The following FADS1 variants were observed in gnomAD, a reference collection of about 807,000 sequenced individuals.
FADS1 encodes fatty acid desaturase 1.
FADS1 carries 17 observed loss-of-function variants against 61.6 expected under a neutral mutation model. The ratio of observed to expected loss-of-function variants is 0.28; its 90% CI spans 0.19 to 0.41. The LOEUF (loss-of-function observed/expected upper bound fraction) is 0.41, where lower values mean the gene tolerates loss of function less well. Among genes scored for constraint, FADS1 ranks in the 10% least tolerant of loss-of-function variants. The pLI is 1.00. For synonymous variants in FADS1, 238 were observed against 258.7 expected, an observed-to-expected ratio of 0.92 and a Z score of 0.77; for missense variants, 387 against 650.9, an observed-to-expected ratio of 0.59 and a Z score of 4.41.
At chr11:61,813,123 C>T (rs2066942954) in intron 2 of FADS1, 120 bp downstream of exon 2, 1 of 758,734 alleles carries the variant, frequency 1.3e-6, no homozygotes, top group Non-Finnish European at 2.4e-6. Flanking sequence ...CCTCAAGACT[C>T]CCCAGAGCTA....
rs531599872 is a variant in FADS1 at position 61,799,861 on chromosome 11, T to C, written c.*2550A>G. ...CAGCTTTTCCTCTCTAAGCCTATTT[T>C]ATATCTGTCAGTGGATTTGAGATCA... On this transcript the variant is annotated 3_prime_UTR_variant, in exon 12 of 12. Transcript: ENST00000350997. 1.3e-5 allele frequency: 2 copies of C among 152,940 alleles called. No individual in the cohort carries two copies. The highest frequency in any genetic ancestry group is 4.8e-5 in the African/African-American group (2 of 41,586). 9.5% of individuals were successfully genotyped at this position (152,940 alleles called of 1,614,324 possible).
chr11:61,804,129 A>G (rs1247590072), intron 7 of FADS1: 2 of 277,714 alleles, frequency 7.2e-6, no homozygotes, highest in African/African-American at 2.2e-5. Flanking sequence ...ACCAAGCACC[A>G]TACTCTTCCC....
chr11:61,803,013 C>T lies in FADS1; in HGVS notation c.1328+19G>A. 1 of 1,613,910 alleles carries T rather than the reference C, an allele frequency of 6.2e-7. No homozygotes were observed. On this transcript the variant is annotated intron_variant, in intron 10 of 11. Coordinates refer to ENST00000350997, the MANE Select transcript of FADS1 (RefSeq NM_013402.7). The surrounding 1 kb of genome is among the most constrained non-coding windows in gnomAD (Gnocchi z 4.3). ...TTACACCCTCCCCAGGACCCTGCTT[C>T]CCCAGGCTCCCTACTCACTGGTGCT...
In FADS1 at chr11:61,799,816, A is replaced by G. The variant is rs1452450421; in HGVS notation, c.*2595T>C. On this transcript the variant is annotated 3_prime_UTR_variant, in exon 12 of 12. Coordinates refer to ENST00000350997, the MANE Select transcript of FADS1 (RefSeq NM_013402.7). ...AAAGTGAGTTGGAATTCATGCTGCCATGATCTACTTGACCAGAGGCAGCTT... is the reference window on the plus strand; with the variant it reads ...AAAGTGAGTTGGAATTCATGCTGCCGTGATCTACTTGACCAGAGGCAGCTT... 13 of 152,786 alleles carry G rather than the reference A, an allele frequency of 8.5e-5. No homozygotes were observed. The highest frequency in any genetic ancestry group is 1.8e-4 in the Non-Finnish European group (12 of 68,044). The allele number at this position is 152,786 out of a possible 1,614,324, so 9.5% of individuals were successfully genotyped here. A position where few individuals can be genotyped will look rare whatever the true frequency, so the allele number is the denominator to read the frequency against.
chr11:61,810,461 A>T (rs949028352), intron 5 of FADS1, among the ~76,000 whole-genome samples: 1 of 152,174 alleles, frequency 6.6e-6, no homozygotes, highest in African/African-American at 2.4e-5. Flanking sequence ...AGGATAGGCT[A>T]TCTCATCATT....
chr11:61,800,478 C>T lies in FADS1; in HGVS notation c.*1933G>A, dbSNP rs911364741. The T allele has an allele frequency of 6.6e-6, 1 of 152,368 alleles. No homozygotes were observed. The highest frequency in any genetic ancestry group is 2.4e-5 in the African/African-American group (1 of 41,462). 9.4% of individuals were successfully genotyped at this position (152,368 alleles called of 1,614,324 possible). ...CATTCTTCCTGTGTCTTTGTGTTGA[C>T]AAACCTCTAATCTTCCATGTCTTTG... On this transcript the variant is annotated 3_prime_UTR_variant, in exon 12 of 12. Transcript: ENST00000350997.
In FADS1 at chr11:61,802,684, C is replaced by T; in HGVS notation, c.1454+117G>A. The T allele has an allele frequency of 1.4e-6, 2 of 1,469,070 alleles. No homozygotes were observed. Among genetic ancestry groups the T allele is most frequent in the Non-Finnish European group, 1.9e-6 (2 of 1,064,440 alleles). 91.0% of individuals were successfully genotyped at this position (1,469,070 alleles called of 1,614,324 possible). A position where few individuals can be genotyped will look rare whatever the true frequency, so the allele number is the denominator to read the frequency against. On this transcript the variant is annotated intron_variant, in intron 11 of 11. Transcript: ENST00000350997. This position sits in a 1 kb window ranked among gnomAD's most constrained non-coding sequence, Gnocchi z 4.2. The stretch of plus-strand genomic sequence containing the variant: ...AGAATCCTGCCTTTGCCATGGTGAA[C>T]TCCATCCCACACGACTGGGAACACC...
At position 61,816,908 on chromosome 11, in the gene FADS1, G is replaced by T; in HGVS notation, c.22C>A (p.Pro8Thr). The change falls in exon 1 of 12, where the codon CCC becomes ACC. Residue 8 changes from proline to threonine, a missense_variant. Around this residue, in one of 2 missense-constraint regions of FADS1, gnomAD observed 130 missense variants for 117.7 expected, o/e 1.10. Transcript: ENST00000350997. The surrounding 1 kb of genome is among the most constrained non-coding windows in gnomAD (Gnocchi z 7.0). Reference sequence around the variant, plus strand: ...TCAGCACCGCAGGGCAGACCGGCGGGCCTCGCAGCGCGCGTTCCCATTGGC... The same window carrying T: ...TCAGCACCGCAGGGCAGACCGGCGGTCCTCGCAGCGCGCGTTCCCATTGGC... MGTRAAR[P>T]AGLPCGAENP... 2 of 1,406,742 alleles carry T rather than the reference G, an allele frequency of 1.4e-6. No homozygotes were observed. The highest frequency in any genetic ancestry group is 9.2e-7 in the Non-Finnish European group (1 of 1,092,430). The allele number at this position is 1,406,742 out of a possible 1,614,324, so 87.1% of individuals were successfully genotyped here. A position where few individuals can be genotyped will look rare whatever the true frequency, so the allele number is the denominator to read the frequency against.
In FADS1 at chr11:61,803,511, T is replaced by C. The variant is rs373982638; in HGVS notation, c.1152-52A>G. 30 of 1,503,164 alleles carry C rather than the reference T, an allele frequency of 2.0e-5. No individual in the cohort carries two copies. Among genetic ancestry groups the C allele is most frequent in the Non-Finnish European group, 2.8e-5 (30 of 1,079,018 alleles). 93.1% of individuals were successfully genotyped at this position (1,503,164 alleles called of 1,614,324 possible). On this transcript the variant is annotated intron_variant, in intron 8 of 11. Coordinates refer to ENST00000350997, the MANE Select transcript of FADS1 (RefSeq NM_013402.7). This position sits in a 1 kb window ranked among gnomAD's most constrained non-coding sequence, Gnocchi z 4.3. ...ACAGTACACACAGAGCCCAGAATTC[T>C]GATTCCCCCCTCAGATAACTGCTCC...
intron 2 of FADS1, 32 bp from the exon 3 acceptor site, chr11:61,812,700 C>T (rs771363627): frequency 1.4e-5 from 22 of 1,587,934 alleles, no homozygotes; most frequent in Admixed American, 3.5e-5. Context: ...TGTTATTCTT[C>T]TCATCTGCAC....
chr11:61,803,270 T>C lies in FADS1; in HGVS notation c.1248+93A>G. ...GAGCCTCAGGCTAATGAGAAAATGC[T>C]GTTTGGGGGACTTTTTGTTTTTGCT... On this transcript the variant is annotated intron_variant, in intron 9 of 11. Coordinates refer to ENST00000350997, the MANE Select transcript of FADS1 (RefSeq NM_013402.7). This position sits in a 1 kb window ranked among gnomAD's most constrained non-coding sequence, Gnocchi z 4.3. 1 of 1,282,212 alleles carries C rather than the reference T, an allele frequency of 7.8e-7. No homozygotes were observed. The highest frequency in any genetic ancestry group is 1.2e-5 in the South Asian group (1 of 84,172). The allele number at this position is 1,282,212 out of a possible 1,614,324, so 79.4% of individuals were successfully genotyped here. A position where few individuals can be genotyped will look rare whatever the true frequency, so the allele number is the denominator to read the frequency against.
At chr11:61,813,599 GTAAAATGGACCAATCAGTGCTCTA>G (rs1048272281) in intron 1 of FADS1, 4 of 486,644 alleles carry the variant, frequency 8.2e-6, no homozygotes, top group African/African-American at 6.0e-5. Context: ...TCAGCACCCT[GTAAAATGGACCAATCAGTGCTCTA>G]TAAAATGGAC....
At position 61,801,491 on chromosome 11, in the gene FADS1, C is replaced by T. The variant is rs2066855268; in HGVS notation, c.*920G>A. The T allele has an allele frequency of 6.6e-6, 1 of 152,390 alleles. No homozygotes were observed. Among genetic ancestry groups the T allele is most frequent in the Non-Finnish European group, 1.5e-5 (1 of 68,042 alleles). 9.4% of individuals were successfully genotyped at this position (152,390 alleles called of 1,614,324 possible). On this transcript the variant is annotated 3_prime_UTR_variant, in exon 12 of 12. Coordinates refer to ENST00000350997, the MANE Select transcript of FADS1 (RefSeq NM_013402.7). ...AGCTTTTTAAATAGCCAGCAACTCTCTCTACCATCTGTTTTGGTAAGAGCT... is the reference window on the plus strand; with the variant it reads ...AGCTTTTTAAATAGCCAGCAACTCTTTCTACCATCTGTTTTGGTAAGAGCT...
Position 61,810,833 on chromosome 11 carries a change from G to C in FADS1, c.833C>G (p.Ala278Gly). 1 of 1,614,188 alleles carries C rather than the reference G, an allele frequency of 6.2e-7. No homozygotes were observed. The highest frequency in any genetic ancestry group is 8.5e-7 in the Non-Finnish European group (1 of 1,180,032). ...WWNHMHFQHH[A>G]KPNCFRKDPD... Reference sequence around the variant, plus strand: ...GTCTTTGCGGAAGCAGTTGGGCTTGGCATGGTGCTGGAAGTGCATGTGGTT... The same window carrying C: ...GTCTTTGCGGAAGCAGTTGGGCTTGCCATGGTGCTGGAAGTGCATGTGGTT... Residue 278 changes from alanine (A) to glycine (G), a missense_variant, in exon 5 of 12, where the codon GCC (alanine) becomes GGC (glycine). Coordinates refer to ENST00000350997, the MANE Select transcript of FADS1 (RefSeq NM_013402.7).
At chr11:61,811,670 A>G in intron 3 of FADS1, 1 of 274,682 alleles carries the variant, frequency 3.6e-6, no homozygotes, top group Non-Finnish European at 7.3e-6. Flanking sequence ...GCTCACTGCA[A>G]CCTTCGCTTC....
At chr11:61,806,752 T>C (rs769533883) in intron 5 of FADS1, 28 bp from the exon 6 acceptor site, 1 of 1,607,142 alleles carries the variant, frequency 6.2e-7, no homozygotes, top group East Asian at 2.2e-5. Context: ...CACATGAGCA[T>C]TCGGAGACCA....
Position 61,816,607 on chromosome 11 carries a change from C to G in FADS1, c.323G>C (p.Arg108Pro). 1.2e-6 allele frequency: 2 copies of G among 1,605,658 alleles called. No individual in the cohort carries two copies. The highest frequency in any genetic ancestry group is 1.7e-6 in the Non-Finnish European group (2 of 1,176,784). ...KVYNISEFTR[R>P]HPGGSRVISH... ...GATGACCCGGGAGCCCCCTGGATGC[C>G]GGCGGGTGAACTCGCTGATGTTGTA... The change falls in exon 1 of 12, where the codon CGG becomes CCG. Residue 108 changes from arginine to proline, a missense_variant. Physicochemically the swap from Arg to Pro is moderately radical, Grantham distance 103 (BLOSUM62 -2). Transcript: ENST00000350997. The surrounding 1 kb of genome is among the most constrained non-coding windows in gnomAD (Gnocchi z 7.0).
At chr11:61,812,394 C>A (rs1171689710) in intron 3 of FADS1, 77 bp downstream of exon 3, 7 of 1,397,884 alleles carry the variant, frequency 5.0e-6, no homozygotes, top group African/African-American at 1.4e-5. Flanking sequence ...GCACTCTTGG[C>A]CTTCCTCAAA....
chr11:61,812,613 A>T lies in FADS1; in HGVS notation c.542T>A (p.Leu181His). The T allele has an allele frequency of 6.2e-7, 1 of 1,614,164 alleles. No individual in the cohort carries two copies. The highest frequency in any genetic ancestry group is 8.5e-7 in the Non-Finnish European group (1 of 1,180,022). The change falls in exon 3 of 12, where the codon CTC becomes CAC. Residue 181 changes from leucine (L) to histidine (H), a missense_variant. Physicochemically the swap from Leu to His is moderately conservative, Grantham distance 99. Transcript: ENST00000350997. The stretch of plus-strand genomic sequence containing the variant: ...GAAGAAGACATGGTTGGCCTTCATG[A>T]GCCCCATCCGCTCCACTGTGGCCCG... ...ELRATVERMG[L>H]MKANHVFFLL... is the part of the protein sequence containing the mutation.
Sources: gnomAD v4.1 joint callset for allele counts (sites outside exome capture counted in the v4.1 genomes callset) on GRCh38, gnomAD v4.1.1 for gene constraint, gnomAD v4.1.1 regional missense constraint, Gnocchi (gnomAD v3.1) non-coding constraint, MANE v1.5 for transcripts, NCBI Gene and HGNC (gene_info 2026-07-23, HGNC 2026-07-21) for gene names.